ST6GAL1: variants seen among roughly 807,000 people sequenced by gnomAD.
The protein encoded by ST6GAL1 is beta-galactoside alpha-2,6-sialyltransferase 1.
In ST6GAL1, 20 loss-of-function variants were observed where a neutral mutation model predicts 38.0. The ratio of observed to expected loss-of-function variants is 0.53; its 90% CI spans 0.37 to 0.77. The LOEUF (loss-of-function observed/expected upper bound fraction) is 0.77. Ranked by LOEUF, ST6GAL1 falls within the 30% of genes least tolerant of loss-of-function variation. The pLI, the probability that ST6GAL1 is intolerant of heterozygous loss-of-function variation, is 0.00. For missense variants in ST6GAL1, 432 were observed against 496.4 expected, an observed-to-expected ratio of 0.87 and a Z score of 1.23; for synonymous variants, 196 against 188.2, an observed-to-expected ratio of 1.04 and a Z score of -0.34.
chr3:187,063,758 GGAATTAA>G (rs1383425871), intron 5 of ST6GAL1, among the ~76,000 whole-genome samples: 1 of 152,230 alleles, frequency 6.6e-6, no homozygotes, highest in Admixed American at 6.5e-5. Flanking sequence ...AGGTTGCCTG[GGAATTAA>G]GAGTACTGGA....
chr3:186,976,958 C>G (rs1257571246), intron 2 of ST6GAL1, among the ~76,000 whole-genome samples: 1 of 152,206 alleles, frequency 6.6e-6, no homozygotes, highest in Non-Finnish European at 1.5e-5. Context: ...ATAAAGGACA[C>G]AAAAATCCTG....
intron 5 of ST6GAL1, 90 bp downstream of exon 5, chr3:187,051,436 C>T: frequency 1.7e-6 from 2 of 1,209,336 alleles, no homozygotes; most frequent in Non-Finnish European, 2.4e-6. Context: ...CATATCTAGG[C>T]TGCCAATTAA....
chr3:186,988,006 G>C (rs909369565), intron 2 of ST6GAL1, among the ~76,000 whole-genome samples: 3 of 152,104 alleles, frequency 2.0e-5, no homozygotes, highest in African/African-American at 4.8e-5. Context: ...GTTCCTGTTT[G>C]TGGTGTCGGC....
rs535227819 is a variant in ST6GAL1, at chr3:186,984,920, T to C, written c.-183+20994T>C. 3.3e-5 allele frequency among the ~76,000 whole-genome samples: 5 copies of C among 150,802 alleles called. No individual in the cohort carries two copies. The South Asian group carries it at 1.1e-3, about 32-fold the overall frequency. ...TCTTTCTCTGTCTCTCTCTTTTCTT[T>C]CTTTCTGAGATAGGGTCTCGCTCTG... On this transcript the variant is annotated intron_variant, in intron 2 of 7. Transcript: ENST00000169298.
rs538046090 is a variant in ST6GAL1, at chr3:186,934,592, C to A, written c.-325+3758C>A. On this transcript the variant is annotated intron_variant, in intron 1 of 7. Coordinates refer to ENST00000169298, the MANE Select transcript of ST6GAL1 (RefSeq NM_173216.2). Reference sequence around the variant, plus strand: ...AGAAAATAAAACAAAACAACAACAACAGAAAACCAGCAGGCTGCCTCTGCG... The same window carrying A: ...AGAAAATAAAACAAAACAACAACAAAAGAAAACCAGCAGGCTGCCTCTGCG... Among the ~76,000 whole-genome samples, 10 of 151,640 alleles carry A rather than the reference C, an allele frequency of 6.6e-5. No individual in the cohort carries two copies. In the East Asian group the frequency reaches 1.4e-3, roughly 21 times the overall value.
chr3:186,985,862 A>G (rs1241325267), intron 2 of ST6GAL1, among the ~76,000 whole-genome samples: 1 of 152,156 alleles, frequency 6.6e-6, no homozygotes, highest in East Asian at 1.9e-4. Context: ...ATGTGGAAGC[A>G]GGAATCTTCC....
At chr3:187,001,586 T>G (rs6808800) in intron 2 of ST6GAL1, among the ~76,000 whole-genome samples, 79,595 of 151,958 alleles carry the variant, frequency 0.52, 21,078 homozygotes, top group African/African-American at 0.57. Flanking sequence ...TACTTCAGCA[T>G]CATGTTAGGG....
At chr3:187,072,762 T>C in intron 5 of ST6GAL1, 87 bp from the exon 6 acceptor site, 1 of 1,181,472 alleles carries the variant, frequency 8.5e-7, no homozygotes, top group Non-Finnish European at 1.3e-6. Flanking sequence ...GGCCTCAGGC[T>C]GTACCTTGTG....
chr3:187,017,250 C>T (rs1464264601), intron 2 of ST6GAL1, among the ~76,000 whole-genome samples: 2 of 152,176 alleles, frequency 1.3e-5, no homozygotes, highest in Non-Finnish European at 2.9e-5. Flanking sequence ...AAAGGCCTGG[C>T]CTCTCCCATT....
intron 5 of ST6GAL1, among the ~76,000 whole-genome samples, chr3:187,057,648 C>T (rs1213732281): frequency 2.0e-5 from 3 of 152,098 alleles, no homozygotes; most frequent in Non-Finnish European, 4.4e-5. Flanking sequence ...ATTGCTGCCT[C>T]ATTCTTCCTC....
chr3:187,075,655 A>G lies in ST6GAL1; in HGVS notation c.1073A>G (p.Lys358Arg). 3 of 1,614,194 alleles carry G rather than the reference A, an allele frequency of 1.9e-6. No homozygotes were observed. The highest frequency in any genetic ancestry group is 2.5e-6 in the Non-Finnish European group (3 of 1,180,022). Residue 358 changes from lysine (K) to arginine (R), a missense_variant, in exon 8 of 8, where the codon AAG becomes AGG. Transcript: ENST00000169298. The surrounding 1 kb of genome is among the most constrained non-coding windows in gnomAD (Gnocchi z 4.1). Reference sequence around the variant, plus strand: ...ACTGACGTGTGCTACTACTACCAGAAGTTCTTCGATAGTGCCTGCACGATG... The same window carrying G: ...ACTGACGTGTGCTACTACTACCAGAGGTTCTTCGATAGTGCCTGCACGATG... ...RKTDVCYYYQ[K>R]FFDSACTMGA...
intron 2 of ST6GAL1, among the ~76,000 whole-genome samples, chr3:187,003,095 C>T (rs908072040): frequency 3.9e-5 from 6 of 152,126 alleles, no homozygotes; most frequent in Non-Finnish European, 5.9e-5. Context: ...AAGCCAATGG[C>T]GTAGTTCTAG....
At chr3:186,947,696 G>C (rs986464240) in intron 1 of ST6GAL1, among the ~76,000 whole-genome samples, 5 of 152,144 alleles carry the variant, frequency 3.3e-5, no homozygotes, top group Non-Finnish European at 5.9e-5. Flanking sequence ...GTGGCCCCAG[G>C]CTACTTAATC....
intron 1 of ST6GAL1, among the ~76,000 whole-genome samples, chr3:186,932,935 G>A (rs1400927183): frequency 6.6e-6 from 1 of 152,158 alleles, no homozygotes; most frequent in African/African-American, 2.4e-5. Context: ...AGTTTCCAGC[G>A]TGTTTCACTT....
chr3:186,984,741 TC>T (rs376269866), intron 2 of ST6GAL1, among the ~76,000 whole-genome samples: 594 of 24,902 alleles, frequency 0.024, 27 homozygotes, highest in South Asian at 0.17. Flanking sequence ...CTTCCTTCCT[TC>T]CCTCCCTCCC....
chr3:186,950,863 TTG>T (rs954310559), intron 1 of ST6GAL1, among the ~76,000 whole-genome samples: 6 of 152,258 alleles, frequency 3.9e-5, no homozygotes, highest in African/African-American at 1.4e-4. Flanking sequence ...TGCATGCATG[TTG>T]TGTGTCACCT....
intron 4 of ST6GAL1, among the ~76,000 whole-genome samples, chr3:187,049,318 A>G (rs757058598): frequency 6.6e-6 from 1 of 152,204 alleles, no homozygotes; most frequent in Non-Finnish European, 1.5e-5. Flanking sequence ...CTATTCCGCC[A>G]TGTTTCGCCT....
intron 2 of ST6GAL1, among the ~76,000 whole-genome samples, chr3:186,989,343 G>A (rs1393040172): frequency 6.6e-6 from 1 of 152,224 alleles, no homozygotes; most frequent in African/African-American, 2.4e-5. Flanking sequence ...GAATGGGGAA[G>A]AGTTCAGTCC....
intron 2 of ST6GAL1, among the ~76,000 whole-genome samples, chr3:187,030,723 C>T (rs1051110072): frequency 3.3e-5 from 5 of 152,154 alleles, no homozygotes; most frequent in East Asian, 1.9e-4. Flanking sequence ...TGTGAGCCAC[C>T]GTGCCCAGCT....
Sources: gnomAD v4.1 joint callset for allele counts (sites outside exome capture counted in the v4.1 genomes callset) on GRCh38, gnomAD v4.1.1 for gene constraint, Gnocchi (gnomAD v3.1) non-coding constraint, MANE v1.5 for transcripts, NCBI Gene and HGNC (gene_info 2026-07-23, HGNC 2026-07-21) for gene names.